TMEM38B: variants seen among roughly 807,000 people sequenced by gnomAD.
The protein encoded by TMEM38B is transmembrane protein 38B, also known as trimeric intracellular cation channel type B.
In TMEM38B, 24 loss-of-function variants were observed where a neutral mutation model predicts 28.7. That is an observed-to-expected ratio of 0.84 (90% CI 0.61 to 1.18). TMEM38B has a LOEUF of 1.18. Among genes scored for constraint, TMEM38B ranks in the 50% most tolerant of loss-of-function variants. TMEM38B has a pLI of 0.00. For synonymous variants in TMEM38B, 131 were observed against 127.7 expected, an observed-to-expected ratio of 1.03 and a Z score of -0.17; for missense variants, 380 against 350.9, an observed-to-expected ratio of 1.08 and a Z score of -0.66.
At chr9:105,710,655 T>G in intron 2 of TMEM38B, 4 of 724,526 alleles carry the variant, frequency 5.5e-6, no homozygotes, top group Non-Finnish European at 1.0e-5. Flanking sequence ...GGAAATCAAG[T>G]GGAACATACA....
chr9:105,739,807 G>A (rs10816311), intron 4 of TMEM38B, among the ~76,000 whole-genome samples: 17,530 of 151,960 alleles, frequency 0.12, 1,506 homozygotes, highest in East Asian at 0.46. Context: ...TTATGGGCAT[G>A]AGCCACCATG....
chr9:105,725,806 C>G (rs527957145), intron 4 of TMEM38B, among the ~76,000 whole-genome samples: 1 of 152,248 alleles, frequency 6.6e-6, no homozygotes, highest in East Asian at 1.9e-4. Context: ...AAGTTGCTCT[C>G]TGTGAGCCAC....
intron 4 of TMEM38B, among the ~76,000 whole-genome samples, chr9:105,723,903 C>T (rs1021978895): frequency 1.3e-5 from 2 of 150,366 alleles, no homozygotes; most frequent in African/African-American, 4.9e-5. Flanking sequence ...GGTGTGGTCT[C>T]GGGCTCACTG....
intron 2 of TMEM38B, among the ~76,000 whole-genome samples, chr9:105,713,749 G>C (rs1005053392): frequency 1.3e-5 from 2 of 152,196 alleles, no homozygotes; most frequent in Admixed American, 6.5e-5. Context: ...ACCAGAGGCG[G>C]AACTCATAGT....
chr9:105,766,925 GT>G (rs1564419399), intron 5 of TMEM38B, among the ~76,000 whole-genome samples: 1 of 133,440 alleles, frequency 7.5e-6, no homozygotes, highest in Non-Finnish European at 1.5e-5. Flanking sequence ...GGTGTGTGGT[GT>G]TCCCCACCCT....
At chr9:105,703,709 G>C (rs1835537144) in intron 1 of TMEM38B, among the ~76,000 whole-genome samples, 1 of 151,800 alleles carries the variant, frequency 6.6e-6, no homozygotes, top group African/African-American at 2.4e-5. Context: ...TCCAGCACCT[G>C]TTGTTTCCTG....
chr9:105,758,602 G>T (rs1346416700), intron 5 of TMEM38B: 2 of 959,946 alleles, frequency 2.1e-6, no homozygotes, highest in African/African-American at 1.6e-5. Flanking sequence ...GGCAGGTGGG[G>T]ATCAGAAAAT....
chr9:105,737,168 G>T (rs2133600693), intron 4 of TMEM38B, among the ~76,000 whole-genome samples: 1 of 152,312 alleles, frequency 6.6e-6, no homozygotes, highest in South Asian at 2.1e-4. Flanking sequence ...TACTCTATGA[G>T]GTCAGAGTAG....
At chr9:105,705,365 A>G (rs1835615320) in intron 1 of TMEM38B, among the ~76,000 whole-genome samples, 2 of 152,350 alleles carry the variant, frequency 1.3e-5, no homozygotes, top group South Asian at 2.1e-4. Flanking sequence ...AACAGAACAG[A>G]GTATTTTAAA....
chr9:105,752,562 T>G (rs2133626033), intron 5 of TMEM38B, among the ~76,000 whole-genome samples: 1 of 152,222 alleles, frequency 6.6e-6, no homozygotes, highest in Admixed American at 6.5e-5. Context: ...GAGTGGACCC[T>G]CAGCAAACCG....
At position 105,748,135 on chromosome 9, in the gene TMEM38B, C is replaced by A; in HGVS notation, c.605C>A (p.Ala202Glu). The change falls in exon 5 of 6, where the codon GCA becomes GAA. Residue 202 changes from alanine (A) to glutamate (E), a missense_variant. Ala to Glu is a moderately radical substitution (Grantham distance 107, BLOSUM62 -1). Transcript: ENST00000374692. ...IFTFQHTQHL[A>E]ISKHNLMFLY... Reference sequence around the variant, plus strand: ...ACATTCCAGCACACCCAGCATCTGGCAATATCAAAGCATAATCTTATGTTC... The same window carrying A: ...ACATTCCAGCACACCCAGCATCTGGAAATATCAAAGCATAATCTTATGTTC... The A allele has an allele frequency of 1.9e-6, 3 of 1,613,572 alleles. No individual in the cohort carries two copies. The highest frequency in any genetic ancestry group is 2.5e-6 in the Non-Finnish European group (3 of 1,179,680).
Position 105,710,686 on chromosome 9 carries a change from C to T in TMEM38B, c.269+4933C>T, listed in dbSNP as rs1269316957. 4.4e-5 allele frequency: 30 copies of T among 687,010 alleles called. No homozygotes were observed. In the East Asian group the frequency reaches 6.9e-4, roughly 16 times the overall value. 42.6% of individuals were successfully genotyped at this position (687,010 alleles called of 1,614,324 possible). A position where few individuals can be genotyped will look rare whatever the true frequency, so the allele number is the denominator to read the frequency against. On this transcript the variant is annotated intron_variant, in intron 2 of 5. Transcript: ENST00000374692. ...ATACACATCAACTATAGGATCATAA[C>T]GACCAAATTCACACCGTAAATCTTC...
At chr9:105,722,465 T>C in intron 3 of TMEM38B, 69 bp from the exon 4 acceptor site, 1 of 1,196,234 alleles carries the variant, frequency 8.4e-7, no homozygotes, top group South Asian at 1.2e-5. Context: ...GATAGAATTA[T>C]GGCTCCCTTT....
At chr9:105,762,246 AAT>A (rs958628914) in intron 5 of TMEM38B, among the ~76,000 whole-genome samples, 4 of 150,620 alleles carry the variant, frequency 2.7e-5, no homozygotes, top group African/African-American at 9.9e-5. Flanking sequence ...ACTGGCTATA[AAT>A]TTTTTTTTTA....
At chr9:105,706,764 T>A (rs1835685463) in intron 2 of TMEM38B, among the ~76,000 whole-genome samples, 1 of 152,166 alleles carries the variant, frequency 6.6e-6, no homozygotes, top group Non-Finnish European at 1.5e-5. Flanking sequence ...CCTTGGCTTT[T>A]TGGACAGTGT....
At chr9:105,746,846 G>T (rs556504575) in intron 4 of TMEM38B, among the ~76,000 whole-genome samples, 2 of 152,274 alleles carry the variant, frequency 1.3e-5, no homozygotes, top group East Asian at 3.9e-4. Flanking sequence ...CGTGGTTTTT[G>T]TCATTGGTTC....
At chr9:105,707,564 G>T (rs903376810) in intron 2 of TMEM38B, among the ~76,000 whole-genome samples, 1 of 152,038 alleles carries the variant, frequency 6.6e-6, no homozygotes, top group Admixed American at 6.5e-5. Flanking sequence ...ACAAATAATA[G>T]TAGCAATGGG....
At chr9:105,735,584 C>G (rs79660030) in intron 4 of TMEM38B, among the ~76,000 whole-genome samples, 2,173 of 152,226 alleles carry the variant, frequency 0.014, 29 homozygotes, top group Non-Finnish European at 0.025. Flanking sequence ...CAGTTGTTTT[C>G]TTTCAGCTGT....
At chr9:105,744,409 T>A (rs1328669618) in intron 4 of TMEM38B, among the ~76,000 whole-genome samples, 3 of 151,986 alleles carry the variant, frequency 2.0e-5, no homozygotes, top group Non-Finnish European at 4.4e-5. Flanking sequence ...TTTGCATCAA[T>A]AATCTGAATA....
Sources: allele counts gnomAD v4.1 joint callset (sites outside exome capture counted in the v4.1 genomes callset), GRCh38; gene constraint gnomAD v4.1.1; transcripts MANE v1.5; gene names NCBI Gene and HGNC (gene_info 2026-07-23, HGNC 2026-07-21).